The following CD44 variants were observed in gnomAD, a reference collection of about 807,000 sequenced individuals.
CD44 encodes CD44 molecule (IN blood group).
Under a neutral mutation model 88.8 loss-of-function variants are expected in CD44, and 49 were observed. That is an observed-to-expected ratio of 0.55 (90% CI 0.44 to 0.70). The LOEUF (loss-of-function observed/expected upper bound fraction) is 0.70. Ranked by LOEUF, CD44 falls within the 30% of genes least tolerant of loss-of-function variation. The probability of loss-of-function intolerance (pLI) is 0.00; values close to 1 mark genes in which losing one functional copy is unlikely to be tolerated. For missense variants in CD44, 883 were observed against 913.8 expected (o/e 0.97, Z 0.43); for synonymous variants, 325 against 312.3 (o/e 1.04, Z -0.43).
At chr11:35,215,860 A>G (rs1948789901) in intron 15 of CD44, among the ~76,000 whole-genome samples, 1 of 151,652 alleles carries the variant, frequency 6.6e-6, no homozygotes, top group African/African-American at 2.4e-5. Flanking sequence ...TGACAGAGCA[A>G]GACTCTGTCT....
chr11:35,149,033 G>A (rs1329011919), intron 1 of CD44, among the ~76,000 whole-genome samples: 1 of 152,198 alleles, frequency 6.6e-6, no homozygotes. Flanking sequence ...CAAGGCAGGG[G>A]AAGTTTAGAG....
At chr11:35,179,628 T>A (rs1944800632) in intron 2 of CD44, among the ~76,000 whole-genome samples, 1 of 152,190 alleles carries the variant, frequency 6.6e-6, no homozygotes, top group South Asian at 2.1e-4. Flanking sequence ...CCCATTGTAA[T>A]GATGGTTAAT....
chr11:35,194,900 C>T (rs796597601), intron 5 of CD44, among the ~76,000 whole-genome samples: 19 of 152,240 alleles, frequency 1.2e-4, no homozygotes, highest in African/African-American at 4.6e-4. Context: ...AGAAGTCTGC[C>T]GGAAAGTGCA....
rs1389168029 is a variant in CD44, at chr11:35,190,342, C to A, written c.667+277C>A. 8.8e-5 allele frequency: 45 copies of A among 509,522 alleles called. No homozygotes were observed. In the Admixed American group the frequency reaches 1.4e-3, roughly 16 times the overall value. 31.6% of individuals were successfully genotyped at this position (509,522 alleles called of 1,614,324 possible). A position where few individuals can be genotyped will look rare whatever the true frequency, so the allele number is the denominator to read the frequency against. ...TATTTTGGGGAGAGCCCTCCTTATT[C>A]TCTTATCCCCAGGTATACAGTAACA... is the stretch of plus-strand genomic sequence containing the variant. On this transcript the variant is annotated intron_variant, in intron 5 of 17. Coordinates refer to ENST00000428726, the MANE Select transcript of CD44 (RefSeq NM_000610.4).
chr11:35,182,740 G>A (rs1945275513), intron 3 of CD44, among the ~76,000 whole-genome samples: 1 of 152,190 alleles, frequency 6.6e-6, no homozygotes, highest in African/African-American at 2.4e-5. Context: ...TTGGGAAAGG[G>A]CTGGCATGAG....
chr11:35,141,726 C>T (rs75213201), intron 1 of CD44, among the ~76,000 whole-genome samples: 4,945 of 152,262 alleles, frequency 0.032, 118 homozygotes, highest in Non-Finnish European at 0.05. Context: ...AGAGGAAGTA[C>T]AATGAAGTGC....
intron 16 of CD44, among the ~76,000 whole-genome samples, chr11:35,220,987 C>T (rs1949250152): frequency 6.6e-6 from 1 of 152,090 alleles, no homozygotes; most frequent in Admixed American, 6.5e-5. Context: ...TCTCAAACTC[C>T]TGACCTCGTG....
chr11:35,231,334 C>T lies in CD44; in HGVS notation c.*2001C>T, dbSNP rs1259678264. The T allele has an allele frequency of 6.6e-6, 1 of 152,182 alleles. No homozygotes were observed. The highest frequency in any genetic ancestry group is 2.4e-5 in the African/African-American group (1 of 41,432). 9.4% of individuals were successfully genotyped at this position (152,182 alleles called of 1,614,324 possible). A position where few individuals can be genotyped will look rare whatever the true frequency, so the allele number is the denominator to read the frequency against. On this transcript the variant is annotated 3_prime_UTR_variant, in exon 18 of 18. Transcript: ENST00000428726. ...TCTTTAACTGAAAAGCAACAAGCCA[C>T]TCCAGGACAAGGTTCAAAATGGTTA...
intron 1 of CD44, among the ~76,000 whole-genome samples, chr11:35,169,766 A>C (rs1414190762): frequency 6.6e-6 from 1 of 152,200 alleles, no homozygotes; most frequent in Non-Finnish European, 1.5e-5. Flanking sequence ...ATTTTCCTTG[A>C]TCTGAGGCTT....
Position 35,176,538 on chromosome 11 carries a change from A to G in CD44, c.68-37A>G, listed in dbSNP as rs766771461. ...ACTTATTACTGTCTCCAAATTATTT[A>G]TGCAAAAGAATCTAACATTTCTATT... On this transcript the variant is annotated intron_variant, in intron 1 of 17. Transcript: ENST00000428726. 39 of 1,580,620 alleles carry G rather than the reference A, an allele frequency of 2.5e-5. 1 individual carries two copies. The highest frequency in any genetic ancestry group is 3.4e-4 in the Middle Eastern group (2 of 5,922).
rs780430046 is a variant in CD44 at position 35,201,187 on chromosome 11, G to A, written c.1028G>A (p.Arg343Lys). The part of the protein sequence containing the change: ...NPEVLLQTTT[R>K]MTDVDRNGTT... ...GAAGTGCTACTTCAGACAACCACAA[G>A]GATGACTGGTAATGGGTTCTGCATA... Residue 343 changes from arginine to lysine, a missense_variant, in exon 8 of 18, where the codon AGG becomes AAG. Arg to Lys is a conservative substitution (Grantham distance 26). This residue lies in a region of CD44 where 631 missense variants were observed against 590.9 expected (regional missense o/e 1.07). Coordinates refer to ENST00000428726, the MANE Select transcript of CD44 (RefSeq NM_000610.4). 2.5e-6 allele frequency: 4 copies of A among 1,607,150 alleles called. No individual in the cohort carries two copies. Among genetic ancestry groups the A allele is most frequent in the Non-Finnish European group, 3.4e-6 (4 of 1,173,724 alleles).
rs1947339291 is a variant in CD44 at position 35,201,780 on chromosome 11, A to G, written c.1146A>G (p.Thr382=). The G allele has an allele frequency of 6.2e-7, 1 of 1,613,418 alleles. No individual in the cohort carries two copies. Among genetic ancestry groups the G allele is most frequent in the African/African-American group, 1.3e-5 (1 of 74,886 alleles). Reference sequence around the variant, plus strand: ...AGGAAGAAGAGACCCCACATTCTACAAGCACAAGTAAGCAAGATGGCGGTC... The same window carrying G: ...AGGAAGAAGAGACCCCACATTCTACGAGCACAAGTAAGCAAGATGGCGGTC... ...HHEEEETPHS[T]STIQATPSST... is the part of the protein sequence containing the mutation. Residue 382 remains threonine, a synonymous_variant, in exon 9 of 18, where the codon ACA becomes ACG. Coordinates refer to ENST00000428726, the MANE Select transcript of CD44 (RefSeq NM_000610.4).
At chr11:35,180,493 C>T in intron 3 of CD44, 86 bp downstream of exon 3, 19 of 1,414,916 alleles carry the variant, frequency 1.3e-5, no homozygotes, top group Non-Finnish European at 1.9e-5. Context: ...ATTCATGTAG[C>T]CTCCATTTAC....
intron 3 of CD44, among the ~76,000 whole-genome samples, chr11:35,182,266 T>C (rs1040953588): frequency 1.3e-5 from 2 of 151,900 alleles, no homozygotes; most frequent in African/African-American, 4.8e-5. Context: ...CTACACCACC[T>C]ACCCTTTGTT....
At chr11:35,195,775 G>A (rs989681046) in intron 5 of CD44, among the ~76,000 whole-genome samples, 1 of 151,980 alleles carries the variant, frequency 6.6e-6, no homozygotes, top group Non-Finnish European at 1.5e-5. Context: ...CAAGATCATT[G>A]GGGTCACTTC....
At chr11:35,223,141 A>G (rs1478098107) in intron 17 of CD44, 2 of 985,336 alleles carry the variant, frequency 2.0e-6, no homozygotes, top group African/African-American at 1.7e-5. Flanking sequence ...ACCTGATTGT[A>G]TAAGGAACAA....
chr11:35,194,177 CA>C (rs1196606012), intron 5 of CD44, among the ~76,000 whole-genome samples: 3 of 152,156 alleles, frequency 2.0e-5, no homozygotes, highest in Non-Finnish European at 4.4e-5. Flanking sequence ...TTGCTTTGAT[CA>C]TGAATTCAGG....
intron 1 of CD44, among the ~76,000 whole-genome samples, chr11:35,170,433 G>A (rs767363921): frequency 6.6e-6 from 1 of 152,150 alleles, no homozygotes; most frequent in Non-Finnish European, 1.5e-5. Flanking sequence ...CTGGGACACT[G>A]GTCTCCATGA....
chr11:35,153,607 G>A (rs1390267683), intron 1 of CD44, among the ~76,000 whole-genome samples: 1 of 152,222 alleles, frequency 6.6e-6, no homozygotes. Context: ...GGATACCACT[G>A]TAGACAAGAG....
Sources: allele counts gnomAD v4.1 joint callset (sites outside exome capture counted in the v4.1 genomes callset), GRCh38; gene constraint gnomAD v4.1.1; regional missense constraint gnomAD v4.1.1; transcripts MANE v1.5; gene names NCBI Gene and HGNC (gene_info 2026-07-23, HGNC 2026-07-21).